Variants in DMD observed in about 807,000 individuals in gnomAD.
DMD encodes mutant dystrophin.
A neutral mutation model predicts 330.1 loss-of-function variants in DMD; 63 were observed. That is an observed-to-expected ratio of 0.19 (90% CI 0.16 to 0.24). The LOEUF (loss-of-function observed/expected upper bound fraction) is 0.24, where lower values mean the gene tolerates loss of function less well. DMD is among the 10% of genes least tolerant of loss of function. DMD has a pLI of 1.00. For missense variants in DMD, 3,344 were observed against 2,684.1 expected, an observed-to-expected ratio of 1.25 and a Z score of -5.43; for synonymous variants, 1,223 against 959.8, an observed-to-expected ratio of 1.27 and a Z score of -5.07.
intron 42 of DMD, among the ~76,000 whole-genome samples, chrX:32,293,070 C>A (rs2097480478): frequency 8.9e-6 from 1 of 112,487 alleles, no homozygotes. Context: ...TTCATTATTT[C>A]TTTTGTTTCG....
chrX:31,340,204 T>C (rs185128096), intron 61 of DMD, among the ~76,000 whole-genome samples: 130 of 112,337 alleles, frequency 1.2e-3, no homozygotes, highest in African/African-American at 3.9e-3. Flanking sequence ...GCAGTTAAGA[T>C]TGTAAAGCCT....
In DMD at chrX:32,586,609, A is replaced by G. The variant is rs1473318730; in HGVS notation, c.1602+9148T>C. ...ACAGGTACGAATACATTACTGTGTT[A>G]CATAGGTTTCTGTATTCCCCCGTTG... On this transcript the variant is annotated intron_variant, in intron 13 of 78. Coordinates refer to ENST00000357033, the MANE Select transcript of DMD (RefSeq NM_004006.3). Among the ~76,000 whole-genome samples, 3 of 109,998 alleles carry G rather than the reference A, an allele frequency of 2.7e-5. No homozygotes were observed. In the East Asian group the frequency reaches 8.6e-4, roughly 31 times the overall value.
intron 29 of DMD, among the ~76,000 whole-genome samples, chrX:32,427,636 A>T (rs940244116): frequency 3.1e-4 from 33 of 107,888 alleles, no homozygotes; most frequent in Admixed American, 4.9e-4. Context: ...AAAAAAAAAA[A>T]TTTTCTAACC....
At chrX:33,021,275 T>C (rs935949637) in intron 1 of DMD, among the ~76,000 whole-genome samples, 1 of 110,934 alleles carries the variant, frequency 9.0e-6, no homozygotes, top group African/African-American at 3.3e-5. Context: ...ACAAATGATC[T>C]TTTTGCCCCT....
intron 9 of DMD, among the ~76,000 whole-genome samples, chrX:32,676,241 T>G (rs1281816925): frequency 9.0e-6 from 1 of 111,255 alleles, no homozygotes; most frequent in African/African-American, 3.3e-5. Context: ...GTTGAAGCAA[T>G]AGAGCCCTTT....
At chrX:33,103,674 T>G (rs1392527963) in intron 1 of DMD, among the ~76,000 whole-genome samples, 1 of 111,620 alleles carries the variant, frequency 9.0e-6, no homozygotes, top group Non-Finnish European at 1.9e-5. Context: ...AAAGCTTTAT[T>G]GCTCACACAA....
At chrX:31,664,510 T>C (rs766052267) in intron 53 of DMD, among the ~76,000 whole-genome samples, 4 of 105,440 alleles carry the variant, frequency 3.8e-5, no homozygotes, top group Non-Finnish European at 7.8e-5. Flanking sequence ...GTCGCCTCTG[T>C]ATTCTCTGAG....
chrX:31,122,411 TCACCAG>T (rs1418436762), intron 78 of DMD, among the ~76,000 whole-genome samples: 3 of 110,868 alleles, frequency 2.7e-5, no homozygotes, highest in African/African-American at 6.6e-5. Context: ...ACCACTACCA[TCACCAG>T]CACCCAACCA....
chrX:31,978,426 C>G (rs757282749), intron 44 of DMD, among the ~76,000 whole-genome samples: 4 of 111,046 alleles, frequency 3.6e-5, no homozygotes, highest in Non-Finnish European at 7.5e-5. Context: ...TATTAATACA[C>G]CCTCCTAACT....
At chrX:32,109,085 A>ATG (rs776295636) in intron 44 of DMD, among the ~76,000 whole-genome samples, 32 of 111,885 alleles carry the variant, frequency 2.9e-4, no homozygotes, top group African/African-American at 1.0e-3. Context: ...ATTTTTCATA[A>ATG]TAAACCAATA....
intron 12 of DMD, among the ~76,000 whole-genome samples, chrX:32,606,823 C>G (rs1047090616): frequency 9.2e-6 from 1 of 108,341 alleles, no homozygotes; most frequent in Admixed American, 1.0e-4. Context: ...GTATGAAATC[C>G]TGTCTTTTGC....
intron 9 of DMD, among the ~76,000 whole-genome samples, chrX:32,683,112 C>T (rs1456288922): frequency 2.7e-5 from 3 of 111,502 alleles, no homozygotes; most frequent in African/African-American, 9.8e-5. Context: ...CAGTCTTTAA[C>T]CTGCATATTG....
chrX:32,838,932 T>C (rs1375874823), intron 4 of DMD, among the ~76,000 whole-genome samples: 1 of 112,064 alleles, frequency 8.9e-6, no homozygotes, highest in Non-Finnish European at 1.9e-5. Context: ...TGGGTATATA[T>C]CCAAAGGATT....
chrX:32,936,858 G>T (rs927173860), intron 2 of DMD, among the ~76,000 whole-genome samples: 1 of 111,936 alleles, frequency 8.9e-6, no homozygotes, highest in Non-Finnish European at 1.9e-5. Flanking sequence ...TTGCGTCTGA[G>T]ACACTTCTGG....
At chrX:31,831,321 A>G (rs1329386546) in intron 49 of DMD, among the ~76,000 whole-genome samples, 1 of 112,000 alleles carries the variant, frequency 8.9e-6, no homozygotes, top group East Asian at 2.8e-4. Context: ...TAAAATATAA[A>G]TGTGCCAGGT....
intron 7 of DMD, among the ~76,000 whole-genome samples, chrX:32,791,993 A>G (rs2075854964): frequency 8.9e-6 from 1 of 111,756 alleles, no homozygotes; most frequent in Admixed American, 9.5e-5. Context: ...AGCAAGAGAA[A>G]AGCACCTTGT....
intron 12 of DMD, among the ~76,000 whole-genome samples, chrX:32,610,311 T>C (rs925678177): frequency 3.6e-5 from 4 of 111,185 alleles, no homozygotes; most frequent in Non-Finnish European, 7.6e-5. Flanking sequence ...GTGCAGCCAA[T>C]TGAACTTTTC....
At chrX:32,271,864 G>C (rs2097366357) in intron 43 of DMD, among the ~76,000 whole-genome samples, 1 of 111,675 alleles carries the variant, frequency 9.0e-6, no homozygotes, top group South Asian at 3.7e-4. Flanking sequence ...AATTTACCCT[G>C]CATTAATAAT....
chrX:32,177,918 G>T (rs1256173913), intron 44 of DMD, among the ~76,000 whole-genome samples: 1 of 111,070 alleles, frequency 9.0e-6, no homozygotes. Flanking sequence ...AAATATTTCA[G>T]AGGCTGTGCT....
Sources: gnomAD v4.1 joint callset for allele counts (sites outside exome capture counted in the v4.1 genomes callset) on GRCh38, gnomAD v4.1.1 for gene constraint, MANE v1.5 for transcripts, NCBI Gene and HGNC (gene_info 2026-07-23, HGNC 2026-07-21) for gene names.